The following NRTN variants were observed in gnomAD, a reference collection of about 807,000 sequenced individuals.
NRTN encodes the protein prepro-neurturin.
A neutral mutation model predicts 7.5 loss-of-function variants in NRTN; 3 were observed. That is an observed-to-expected ratio of 0.40 (90% CI 0.18 to 1.03). The LOEUF is 1.03. NRTN is among the 50% of genes least tolerant of loss of function. The pLI, the probability that NRTN is intolerant of heterozygous loss-of-function variation, is 0.34. For missense variants in NRTN, 310 were observed against 307.0 expected (o/e 1.01, Z -0.07); for synonymous variants, 157 against 146.6 (o/e 1.07, Z -0.51).
chr19:5,810,894 AC>A (rs766017693), intron 1 of NRTN, among the ~76,000 whole-genome samples: 6 of 150,910 alleles, frequency 4.0e-5, no homozygotes, highest in Non-Finnish European at 8.8e-5. Context: ...GCTCCACTGC[AC>A]TCCAGCCTGG....
At chr19:5,824,442 G>GGCGA (rs2057038274) in intron 2 of NRTN, 108 bp downstream of exon 2, 1 of 1,382,398 alleles carries the variant, frequency 7.2e-7, no homozygotes, top group Admixed American at 2.0e-5. Flanking sequence ...TTAAAGATAG[G>GGCGA]GCCAGCCAGC....
At chr19:5,818,920 G>A (rs943408780) in intron 1 of NRTN, among the ~76,000 whole-genome samples, 1 of 152,132 alleles carries the variant, frequency 6.6e-6, no homozygotes, top group African/African-American at 2.4e-5. Context: ...AGAGCTCTAG[G>A]TGGGGAGAGT....
Position 5,813,955 on chromosome 19 carries a change from C to T in NRTN, c.-399+8504C>T, listed in dbSNP as rs146696148. ...CCTGAGAAGCAGAGGTTGCAATCAGCTGAGATAACACCATTGCGCTCCAGC... is the reference window on the plus strand; with the variant it reads ...CCTGAGAAGCAGAGGTTGCAATCAGTTGAGATAACACCATTGCGCTCCAGC... On this transcript the variant is annotated intron_variant, in intron 1 of 2. Transcript: ENST00000303212. 4.6e-5 allele frequency among the ~76,000 whole-genome samples: 7 copies of T among 152,226 alleles called. No individual in the cohort carries two copies. The East Asian group carries it at 1.3e-3, about 29-fold the overall frequency.
intron 1 of NRTN, among the ~76,000 whole-genome samples, chr19:5,808,574 C>T (rs796375360): frequency 1.5e-4 from 23 of 152,250 alleles, no homozygotes; most frequent in African/African-American, 5.3e-4. Context: ...TGGGGGACTG[C>T]GGGGCACTGA....
Position 5,828,190 on chromosome 19 carries a change from C to T in NRTN, c.*17C>T, listed in dbSNP as rs2057056549. 6 of 1,528,434 alleles carry T rather than the reference C, an allele frequency of 3.9e-6. No individual in the cohort carries two copies. The highest frequency in any genetic ancestry group is 5.2e-6 in the Non-Finnish European group (6 of 1,143,554). The allele number at this position is 1,528,434 out of a possible 1,614,324, so 94.7% of individuals were successfully genotyped here. On this transcript the variant is annotated 3_prime_UTR_variant, in exon 3 of 3. Transcript: ENST00000303212. ...TGCGTGTGACCCTACCTCACTCGGC[C>T]GGCGCGGCGGCCACTCCCCCCGCCT...
chr19:5,818,477 C>G lies in NRTN; in HGVS notation c.-398-5291C>G, dbSNP rs182281915. Among the ~76,000 whole-genome samples the G allele has an allele frequency of 1.4e-4, 21 of 152,168 alleles. No homozygotes were observed. In the East Asian group the frequency reaches 3.5e-3, roughly 25 times the overall value. Reference sequence around the variant, plus strand: ...GTGTGCTGTGTGAGATGGGGCATCTCGCTATGTTGCCCAGGCTGGTCTTGA... The same window carrying G: ...GTGTGCTGTGTGAGATGGGGCATCTGGCTATGTTGCCCAGGCTGGTCTTGA... On this transcript the variant is annotated intron_variant, in intron 1 of 2. Coordinates refer to ENST00000303212, the MANE Select transcript of NRTN (RefSeq NM_004558.5).
intron 1 of NRTN, among the ~76,000 whole-genome samples, chr19:5,818,573 A>G (rs1446100555): frequency 6.6e-6 from 1 of 151,868 alleles, no homozygotes; most frequent in African/African-American, 2.4e-5. Flanking sequence ...TGTGGCCAGG[A>G]TGAGGGGTCT....
chr19:5,820,738 GAAAA>G (rs869276836), intron 1 of NRTN, among the ~76,000 whole-genome samples: 1 of 39,070 alleles, frequency 2.6e-5, no homozygotes, highest in Non-Finnish European at 5.5e-5. Flanking sequence ...TCTGTCTCAA[GAAAA>G]AAAAAAAAAA....
chr19:5,825,101 C>T (rs557544234), intron 2 of NRTN, among the ~76,000 whole-genome samples: 8 of 152,012 alleles, frequency 5.3e-5, no homozygotes, highest in African/African-American at 1.7e-4. Context: ...AGCTAAAAAC[C>T]GGAAGAAAGG....
At chr19:5,811,714 T>G (rs1203265087) in intron 1 of NRTN, among the ~76,000 whole-genome samples, 1 of 151,064 alleles carries the variant, frequency 6.6e-6, no homozygotes, top group Non-Finnish European at 1.5e-5. Flanking sequence ...TTTTTTGTTT[T>G]TTTTTTTTGT....
intron 1 of NRTN, among the ~76,000 whole-genome samples, chr19:5,812,295 C>T (rs2056992889): frequency 6.6e-6 from 1 of 152,134 alleles, no homozygotes; most frequent in Non-Finnish European, 1.5e-5. Context: ...AAGACAGACC[C>T]AGAGTCCCTC....
intron 1 of NRTN, among the ~76,000 whole-genome samples, chr19:5,820,515 G>A (rs1446069420): frequency 1.4e-5 from 2 of 147,366 alleles, no homozygotes; most frequent in African/African-American, 5.0e-5. Context: ...GCAGTGAGCC[G>A]AGATCGCGCC....
At chr19:5,816,498 C>A (rs1216078710) in intron 1 of NRTN, among the ~76,000 whole-genome samples, 1 of 152,166 alleles carries the variant, frequency 6.6e-6, no homozygotes, top group Non-Finnish European at 1.5e-5. Context: ...CCTGCTTCAG[C>A]CTCCTGAGTA....
rs1192016620 is a variant in NRTN, at chr19:5,827,769, GC to G, written c.194del (p.Pro65ArgfsTer9). The G allele has an allele frequency of 1.6e-6, 2 of 1,224,462 alleles. No individual in the cohort carries two copies. Among genetic ancestry groups the G allele is most frequent in the South Asian group, 3.7e-5 (1 of 26,988 alleles). The allele number at this position is 1,224,462 out of a possible 1,614,324, so 75.8% of individuals were successfully genotyped here. On this transcript the variant is annotated frameshift_variant, in exon 3 of 3. Coordinates refer to ENST00000303212, the MANE Select transcript of NRTN (RefSeq NM_004558.5). LOFTEE classifies it low-confidence loss of function (END_TRUNC). The stretch of plus-strand genomic sequence containing the variant: ...CGCAGACCGTGCACTCCTGCAGGGG[GC>G]CCCGGATGCGATGGAGCTGCGCGAG... ...LAQYRALLQG[A>X]PDAMELRELT...
intron 1 of NRTN, among the ~76,000 whole-genome samples, chr19:5,808,867 T>C (rs1485536261): frequency 3.3e-5 from 5 of 151,268 alleles, no homozygotes; most frequent in Non-Finnish European, 7.4e-5. Flanking sequence ...ACCATTCTCC[T>C]GCCTCAGCCT....
chr19:5,827,353 G>A (rs905464301), intron 2 of NRTN, among the ~76,000 whole-genome samples: 8 of 151,816 alleles, frequency 5.3e-5, no homozygotes, highest in Admixed American at 3.3e-4. Context: ...GATGGAGGAC[G>A]AGGAGAATGG....
chr19:5,810,284 AT>A (rs1555733911), intron 1 of NRTN, among the ~76,000 whole-genome samples: 6 of 147,512 alleles, frequency 4.1e-5, no homozygotes, highest in Admixed American at 1.3e-4. Context: ...AAAAAAAAAA[AT>A]TTTTTTTTGT....
chr19:5,821,283 C>A (rs943694014), intron 1 of NRTN, among the ~76,000 whole-genome samples: 1 of 151,262 alleles, frequency 6.6e-6, no homozygotes, highest in Non-Finnish European at 1.5e-5. Context: ...TCTGGGCCAC[C>A]CAGTGCCTAG....
chr19:5,823,848 C>A lies in NRTN; in HGVS notation c.-318C>A, dbSNP rs921602847. The A allele has an allele frequency of 2.4e-5, 12 of 493,450 alleles. No individual in the cohort carries two copies. The highest frequency in any genetic ancestry group is 1.9e-4 in the African/African-American group (10 of 51,464). 30.6% of individuals were successfully genotyped at this position (493,450 alleles called of 1,614,324 possible). On this transcript the variant is annotated 5_prime_UTR_variant, in exon 2 of 3. Transcript: ENST00000303212. Reference sequence around the variant, plus strand: ...CTCGGGGCCTTTGCACTGGCTGTGTCCCCTGCCTGTGATGCCATTCTCCTC... The same window carrying A: ...CTCGGGGCCTTTGCACTGGCTGTGTACCCTGCCTGTGATGCCATTCTCCTC...
Sources: gnomAD v4.1 joint callset for allele counts (sites outside exome capture counted in the v4.1 genomes callset) on GRCh38, gnomAD v4.1.1 for gene constraint, MANE v1.5 for transcripts, NCBI Gene and HGNC (gene_info 2026-07-23, HGNC 2026-07-21) for gene names.